Variants in PTPRD observed in about 807,000 individuals in gnomAD.
The protein encoded by PTPRD is receptor-type tyrosine-protein phosphatase delta.
PTPRD carries 34 observed loss-of-function variants against 214.5 expected under a neutral mutation model. The observed-to-expected ratio is 0.16, with a 90% CI of 0.12 to 0.21. The LOEUF is 0.21. Ranked by LOEUF, PTPRD falls within the 10% of genes least tolerant of loss-of-function variation. The probability of loss-of-function intolerance (pLI) is 1.00; values close to 1 mark genes in which losing one functional copy is unlikely to be tolerated. For synonymous variants in PTPRD, 1,128 were observed against 845.7 expected (o/e 1.33, Z -5.79); for missense variants, 2,545 against 2,398.7 (o/e 1.06, Z -1.27).
chr9:10,136,022 A>G (rs2098940563), intron 3 of PTPRD, among the ~76,000 whole-genome samples: 1 of 151,902 alleles, frequency 6.6e-6, no homozygotes, highest in Admixed American at 6.6e-5. Context: ...ACAGGCTGAA[A>G]GAAAAGAAAT....
intron 8 of PTPRD, among the ~76,000 whole-genome samples, chr9:9,553,143 C>T (rs192010911): frequency 1.3e-4 from 20 of 152,116 alleles, no homozygotes; most frequent in African/African-American, 4.3e-4. Flanking sequence ...TAGCTTACTG[C>T]AGTCGCCTGC....
chr9:9,862,339 A>C (rs1426550943), intron 5 of PTPRD, among the ~76,000 whole-genome samples: 1 of 152,254 alleles, frequency 6.6e-6, no homozygotes, highest in Non-Finnish European at 1.5e-5. Context: ...TAGGTTAATG[A>C]AAGATCTGCC....
chr9:8,470,418 T>A (rs1271562300), intron 31 of PTPRD, among the ~76,000 whole-genome samples: 1 of 152,158 alleles, frequency 6.6e-6, no homozygotes, highest in South Asian at 2.1e-4. Context: ...TATTTGTTGT[T>A]TCTTATTCTA....
chr9:10,569,517 C>T (rs1029978936), intron 2 of PTPRD, among the ~76,000 whole-genome samples: 37 of 150,622 alleles, frequency 2.5e-4, no homozygotes, highest in African/African-American at 8.9e-4. Flanking sequence ...CTCTCTCTCT[C>T]TCTCTCTCTC....
intron 16 of PTPRD, 42 bp from the exon 17 acceptor site, chr9:8,526,686 AG>A: frequency 6.5e-7 from 1 of 1,543,250 alleles, no homozygotes; most frequent in Non-Finnish European, 8.8e-7. Context: ...AGAAAGAAGA[AG>A]CATTAGTACG....
intron 2 of PTPRD, among the ~76,000 whole-genome samples, chr9:10,597,357 C>T (rs993600980): frequency 6.6e-6 from 1 of 151,668 alleles, no homozygotes; most frequent in Non-Finnish European, 1.5e-5. Context: ...TTATAACAAG[C>T]TATGCTTCGA....
chr9:10,064,866 G>C (rs540832125), intron 3 of PTPRD, among the ~76,000 whole-genome samples: 8 of 151,986 alleles, frequency 5.3e-5, no homozygotes, highest in Admixed American at 2.0e-4. Flanking sequence ...AAGAAAACTA[G>C]AGTTGCTATT....
At chr9:9,819,100 A>C (rs558524245) in intron 5 of PTPRD, among the ~76,000 whole-genome samples, 1 of 152,240 alleles carries the variant, frequency 6.6e-6, no homozygotes, top group East Asian at 1.9e-4. Flanking sequence ...ATGCAGTCCC[A>C]CATCATGATC....
chr9:8,702,274 T>G (rs894000132), intron 12 of PTPRD, among the ~76,000 whole-genome samples: 27 of 145,082 alleles, frequency 1.9e-4, no homozygotes, highest in African/African-American at 6.4e-4. Flanking sequence ...AAAAAAAAAA[T>G]GCTCTGAGTG....
rs563799178 is a variant in PTPRD at position 9,222,020 on chromosome 9, A to G, written c.-202-38657T>C. ...CAATCAATGTTATAAAATTCATAAT[A>G]AAAGCAAGGGTTAATTTTGTCCATT... On this transcript the variant is annotated intron_variant, in intron 9 of 45. Transcript: ENST00000381196. Among the ~76,000 whole-genome samples the G allele has an allele frequency of 2.6e-4, 40 of 152,216 alleles. No homozygotes were observed. The South Asian group carries it at 7.9e-3, about 30-fold the overall frequency.
At chr9:8,582,602 T>C (rs962206127) in intron 14 of PTPRD, among the ~76,000 whole-genome samples, 2 of 152,134 alleles carry the variant, frequency 1.3e-5, no homozygotes, top group Non-Finnish European at 2.9e-5. Flanking sequence ...TTATAGAAGA[T>C]GAAACATATG....
intron 7 of PTPRD, among the ~76,000 whole-genome samples, chr9:9,605,528 T>C (rs1391053224): frequency 6.6e-6 from 1 of 152,074 alleles, no homozygotes; most frequent in South Asian, 2.1e-4. Context: ...ACAACAAAAG[T>C]TTTCTAGACT....
At chr9:8,769,168 A>G (rs1031968763) in intron 11 of PTPRD, among the ~76,000 whole-genome samples, 1 of 152,230 alleles carries the variant, frequency 6.6e-6, no homozygotes, top group Non-Finnish European at 1.5e-5. Flanking sequence ...ACTAATAAAG[A>G]TAAATGATTT....
At chr9:10,018,740 G>A (rs1327883916) in intron 4 of PTPRD, among the ~76,000 whole-genome samples, 1 of 150,102 alleles carries the variant, frequency 6.7e-6, no homozygotes, top group Admixed American at 6.6e-5. Context: ...TAGTAGAGAC[G>A]GGGTTTCACC....
intron 10 of PTPRD, among the ~76,000 whole-genome samples, chr9:9,127,142 AC>A (rs1193515355): frequency 6.6e-6 from 1 of 152,158 alleles, no homozygotes; most frequent in African/African-American, 2.4e-5. Context: ...TCAGGCTGGG[AC>A]CATGTACACA....
intron 9 of PTPRD, among the ~76,000 whole-genome samples, chr9:9,354,297 G>A (rs554337689): frequency 1.8e-4 from 28 of 151,670 alleles, no homozygotes; most frequent in Admixed American, 1.3e-3. Context: ...AATCCTGGGG[G>A]CTATTTTAGA....
chr9:9,445,553 C>T (rs559447819), intron 8 of PTPRD, among the ~76,000 whole-genome samples: 58 of 152,114 alleles, frequency 3.8e-4, no homozygotes, highest in African/African-American at 8.2e-4. Flanking sequence ...ACAATCATGG[C>T]GGAAGGGGAA....
chr9:8,858,814 C>CACACACACACACACAT (rs911903721), intron 11 of PTPRD, among the ~76,000 whole-genome samples: 1 of 150,226 alleles, frequency 6.7e-6, no homozygotes, highest in Non-Finnish European at 1.5e-5. Context: ...CACACACACA[C>CACACACACACACACAT]ACACACACAC....
At chr9:9,301,350 T>A (rs1434441381) in intron 9 of PTPRD, among the ~76,000 whole-genome samples, 1 of 151,824 alleles carries the variant, frequency 6.6e-6, no homozygotes, top group Admixed American at 6.6e-5. Context: ...AATAAGGTAG[T>A]TTACCTGTAG....
Sources: allele counts gnomAD v4.1 joint callset (sites outside exome capture counted in the v4.1 genomes callset), GRCh38; gene constraint gnomAD v4.1.1; transcripts MANE v1.5; gene names NCBI Gene and HGNC (gene_info 2026-07-23, HGNC 2026-07-21).